CSMD1: variants seen among roughly 807,000 people sequenced by gnomAD.
CSMD1 encodes CUB and sushi domain-containing protein 1.
A neutral mutation model predicts 417.5 loss-of-function variants in CSMD1; 213 were observed. The observed-to-expected ratio is 0.51, with a 90% CI of 0.46 to 0.57. The LOEUF is 0.57. Ranked by LOEUF, CSMD1 falls within the 20% of genes least tolerant of loss-of-function variation. The pLI is 0.00. For missense variants in CSMD1, 6,923 were observed against 4,529.7 expected, an observed-to-expected ratio of 1.53 and a Z score of -15.17; for synonymous variants, 2,862 against 1,736.8, an observed-to-expected ratio of 1.65 and a Z score of -16.11.
At chr8:3,986,769 T>G (rs1814353655) in intron 5 of CSMD1, among the ~76,000 whole-genome samples, 1 of 152,020 alleles carries the variant, frequency 6.6e-6, no homozygotes, top group Non-Finnish European at 1.5e-5. Context: ...ATTTTTCTTT[T>G]TTTTTAGATG....
chr8:4,137,396 G>GAA (rs1356871042), intron 3 of CSMD1, among the ~76,000 whole-genome samples: 1 of 134,266 alleles, frequency 7.4e-6, no homozygotes, highest in East Asian at 2.0e-4. Context: ...ATGAAGAACA[G>GAA]AAAACAAAAG....
chr8:3,322,923 T>C (rs561807715), intron 23 of CSMD1, among the ~76,000 whole-genome samples: 1 of 151,316 alleles, frequency 6.6e-6, no homozygotes, highest in East Asian at 2.1e-4. Context: ...CTCTGAATTG[T>C]TTTTTGCTTT....
intron 2 of CSMD1, among the ~76,000 whole-genome samples, chr8:4,442,255 T>C (rs1798526339): frequency 6.6e-6 from 1 of 152,168 alleles, no homozygotes; most frequent in Non-Finnish European, 1.5e-5. Flanking sequence ...TATTAATCTT[T>C]AAAATTTTGT....
At chr8:3,494,896 T>C (rs983933025) in intron 10 of CSMD1, among the ~76,000 whole-genome samples, 37 of 152,118 alleles carry the variant, frequency 2.4e-4, no homozygotes, top group African/African-American at 8.5e-4. Context: ...AAAGAGTAAG[T>C]GGTAGCATAG....
intron 1 of CSMD1, among the ~76,000 whole-genome samples, chr8:4,913,601 A>G (rs1051988558): frequency 6.6e-6 from 1 of 152,154 alleles, no homozygotes; most frequent in African/African-American, 2.4e-5. Flanking sequence ...GCTCCCATCC[A>G]TATGTTTTGC....
chr8:4,468,711 C>G (rs1800339947), intron 2 of CSMD1, among the ~76,000 whole-genome samples: 1 of 152,126 alleles, frequency 6.6e-6, no homozygotes. Context: ...TAGCATAATT[C>G]AAAAACATTG....
intron 3 of CSMD1, among the ~76,000 whole-genome samples, chr8:4,079,545 A>C (rs1261771149): frequency 6.6e-6 from 1 of 152,216 alleles, no homozygotes; most frequent in East Asian, 1.9e-4. Flanking sequence ...CAAAACACTG[A>C]AGATATTTAT....
chr8:3,909,460 C>A (rs989822532), intron 5 of CSMD1, among the ~76,000 whole-genome samples: 1 of 152,066 alleles, frequency 6.6e-6, no homozygotes, highest in Non-Finnish European at 1.5e-5. Flanking sequence ...ACGGCGTGCT[C>A]CTGAGACAGC....
At chr8:4,196,140 A>G (rs1714769) in intron 3 of CSMD1, among the ~76,000 whole-genome samples, 151,280 of 152,236 alleles carry the variant, frequency 0.99, 75,168 homozygotes, top group East Asian at 1. Context: ...GAACCCGGGA[A>G]GTGGAGCTTG....
intron 5 of CSMD1, among the ~76,000 whole-genome samples, chr8:3,989,807 C>T (rs1814608666): frequency 6.6e-6 from 1 of 152,120 alleles, no homozygotes; most frequent in Non-Finnish European, 1.5e-5. Flanking sequence ...TAGCACGTGC[C>T]AACAGGAAGT....
chr8:3,097,101 T>A, intron 46 of CSMD1, 64 bp from the exon 47 acceptor site: 13 of 1,247,530 alleles, frequency 1.0e-5, no homozygotes, highest in African/African-American at 1.5e-5. Flanking sequence ...AATAGGATAG[T>A]TTCTATCCCT....
chr8:3,339,212 C>A (rs1050903722), intron 23 of CSMD1, among the ~76,000 whole-genome samples: 10 of 152,088 alleles, frequency 6.6e-5, no homozygotes, highest in African/African-American at 2.4e-4. Flanking sequence ...ATATGTGCCA[C>A]ATTTTCTTGA....
intron 2 of CSMD1, among the ~76,000 whole-genome samples, chr8:4,424,481 C>A (rs556762896): frequency 2.8e-4 from 43 of 151,998 alleles, no homozygotes; most frequent in Admixed American, 1.3e-3. Flanking sequence ...ATTAAAACCA[C>A]AGAGAAATAC....
chr8:4,111,684 C>A (rs1263201734), intron 3 of CSMD1, among the ~76,000 whole-genome samples: 4 of 152,266 alleles, frequency 2.6e-5, no homozygotes, highest in East Asian at 1.9e-4. Context: ...AAGACAAACA[C>A]CACATGTTCT....
chr8:4,309,339 G>C (rs1269494441), intron 3 of CSMD1, among the ~76,000 whole-genome samples: 2 of 151,990 alleles, frequency 1.3e-5, no homozygotes, highest in African/African-American at 4.8e-5. Flanking sequence ...GAGATGAGAA[G>C]TTTTTTTAGG....
intron 3 of CSMD1, among the ~76,000 whole-genome samples, chr8:4,130,519 G>A (rs1370581540): frequency 1.3e-5 from 2 of 152,108 alleles, no homozygotes; most frequent in Non-Finnish European, 2.9e-5. Flanking sequence ...GCTTTCTGAA[G>A]TTTTGCATTA....
At chr8:3,839,751 G>A (rs1164862262) in intron 5 of CSMD1, among the ~76,000 whole-genome samples, 1 of 151,038 alleles carries the variant, frequency 6.6e-6, no homozygotes, top group Non-Finnish European at 1.5e-5. Flanking sequence ...AAACCCATGA[G>A]TGCTGCCACT....
intron 3 of CSMD1, among the ~76,000 whole-genome samples, chr8:4,197,671 G>A (rs1370651530): frequency 6.6e-6 from 1 of 152,156 alleles, no homozygotes; most frequent in Non-Finnish European, 1.5e-5. Flanking sequence ...TTGAGGCCAG[G>A]AGTTTGAGGC....
intron 10 of CSMD1, among the ~76,000 whole-genome samples, chr8:3,505,836 C>G (rs755584694): frequency 1.3e-5 from 2 of 152,072 alleles, no homozygotes; most frequent in Non-Finnish European, 2.9e-5. Flanking sequence ...TCAACACACT[C>G]CTTATCACCA....
Sources: gnomAD v4.1 joint callset for allele counts (sites outside exome capture counted in the v4.1 genomes callset) on GRCh38, gnomAD v4.1.1 for gene constraint, MANE v1.5 for transcripts, NCBI Gene and HGNC (gene_info 2026-07-23, HGNC 2026-07-21) for gene names.